Variants in ADAM7 observed in about 807,000 individuals in gnomAD.
ADAM7 encodes the protein disintegrin and metalloproteinase domain-containing protein 7.
ADAM7 carries 97 observed loss-of-function variants against 102.9 expected under a neutral mutation model. That is an observed-to-expected ratio of 0.94 (90% CI 0.80 to 1.12). The LOEUF is 1.12. Among genes scored for constraint, ADAM7 ranks in the 50% most tolerant of loss-of-function variants. The probability of loss-of-function intolerance (pLI) is 0.00; values close to 1 mark genes in which losing one functional copy is unlikely to be tolerated. For synonymous variants in ADAM7, 334 were observed against 304.4 expected, an observed-to-expected ratio of 1.10 and a Z score of -1.01; for missense variants, 991 against 908.7, an observed-to-expected ratio of 1.09 and a Z score of -1.16.
At chr8:24,507,583 C>T (rs190109739) in intron 21 of ADAM7, 48 bp downstream of exon 21, 1 of 1,474,396 alleles carries the variant, frequency 6.8e-7, no homozygotes, top group African/African-American at 1.4e-5. Flanking sequence ...TTTTCAAATG[C>T]TGGCATAGTT....
At chr8:24,492,354 G>A (rs1820390466) in intron 14 of ADAM7, 141 bp from the exon 15 acceptor site, 2 of 715,006 alleles carry the variant, frequency 2.8e-6, no homozygotes, top group Non-Finnish European at 2.3e-6. Context: ...GAGGCAATAG[G>A]ATAGTTTTTA....
chr8:24,478,626 A>G (rs570158702), intron 8 of ADAM7, among the ~76,000 whole-genome samples: 1 of 152,228 alleles, frequency 6.6e-6, no homozygotes, highest in East Asian at 1.9e-4. Context: ...GCCATCTTCA[A>G]ATTCTGCAAA....
At chr8:24,443,156 A>C (rs1447759627) in intron 2 of ADAM7, among the ~76,000 whole-genome samples, 1 of 152,194 alleles carries the variant, frequency 6.6e-6, no homozygotes, top group Non-Finnish European at 1.5e-5. Context: ...CATTAGATGA[A>C]TGTCCTTAGG....
chr8:24,500,717 T>C (rs948613246), intron 18 of ADAM7, 73 bp from the exon 19 acceptor site: 2 of 1,203,136 alleles, frequency 1.7e-6, no homozygotes, highest in African/African-American at 1.5e-5. Flanking sequence ...TTGTAACAGC[T>C]CCATTAAATG....
chr8:24,464,382 G>A (rs749434011), intron 4 of ADAM7, among the ~76,000 whole-genome samples: 2 of 151,952 alleles, frequency 1.3e-5, no homozygotes, highest in African/African-American at 2.4e-5. Context: ...TTTTTCTGAC[G>A]CACCAATGTT....
chr8:24,496,929 G>A (rs1463770424), intron 16 of ADAM7, among the ~76,000 whole-genome samples: 1 of 152,176 alleles, frequency 6.6e-6, no homozygotes, highest in African/African-American at 2.4e-5. Flanking sequence ...TTTAAAATGT[G>A]AGGACATGAG....
intron 8 of ADAM7, among the ~76,000 whole-genome samples, chr8:24,479,887 A>T (rs1819891162): frequency 6.6e-6 from 1 of 152,132 alleles, no homozygotes; most frequent in South Asian, 2.1e-4. Context: ...TCTGTGGTGG[A>T]TACAGAAAAA....
chr8:24,472,742 AT>A (rs1205309956), intron 7 of ADAM7, among the ~76,000 whole-genome samples: 4 of 152,036 alleles, frequency 2.6e-5, no homozygotes, highest in Admixed American at 6.6e-5. Flanking sequence ...GAAGAAAGTA[AT>A]TTTAGCAATG....
At chr8:24,459,005 A>G (rs955175453) in intron 3 of ADAM7, among the ~76,000 whole-genome samples, 2 of 151,854 alleles carry the variant, frequency 1.3e-5, no homozygotes, top group Non-Finnish European at 2.9e-5. Flanking sequence ...AGTTTTTGCA[A>G]TAGATTTGTC....
At chr8:24,447,316 C>G in intron 3 of ADAM7, 54 bp downstream of exon 3, 1 of 1,085,272 alleles carries the variant, frequency 9.2e-7, no homozygotes, top group Non-Finnish European at 1.3e-6. Flanking sequence ...TATGGTAAGC[C>G]AATTTTCGTA....
intron 7 of ADAM7, among the ~76,000 whole-genome samples, chr8:24,473,868 A>ATCCCCC (rs1469180614): frequency 1.3e-5 from 2 of 152,140 alleles, no homozygotes; most frequent in African/African-American, 4.8e-5. Flanking sequence ...ATAATTTCAA[A>ATCCCCC]TATCTCAAAT....
At chr8:24,481,429 T>C (rs1168789274) in intron 8 of ADAM7, among the ~76,000 whole-genome samples, 1 of 152,180 alleles carries the variant, frequency 6.6e-6, no homozygotes, top group South Asian at 2.1e-4. Flanking sequence ...TCACTTCCTT[T>C]CAACCTACTT....
At chr8:24,505,436 A>G (rs1235263395) in intron 20 of ADAM7, among the ~76,000 whole-genome samples, 1 of 152,170 alleles carries the variant, frequency 6.6e-6, no homozygotes, top group Non-Finnish European at 1.5e-5. Context: ...TAACAGAGAT[A>G]GGAGAGTTGG....
At chr8:24,482,106 C>T (rs367914998) in intron 8 of ADAM7, 36 bp from the exon 9 acceptor site, 3 of 1,489,710 alleles carry the variant, frequency 2.0e-6, no homozygotes, top group Non-Finnish European at 2.7e-6. Flanking sequence ...TTTCCAGCAA[C>T]TTGACTTTGT....
At chr8:24,479,198 G>GT (rs1819867205) in intron 8 of ADAM7, among the ~76,000 whole-genome samples, 1 of 152,054 alleles carries the variant, frequency 6.6e-6, no homozygotes, top group Non-Finnish European at 1.5e-5. Flanking sequence ...GGGGTCCAGA[G>GT]CATGTTCTAT....
chr8:24,506,222 C>T, intron 20 of ADAM7: 1 of 1,279,778 alleles, frequency 7.8e-7, no homozygotes, highest in Non-Finnish European at 1.1e-6. Context: ...TTTCATGAAA[C>T]TTAATCATTT....
intron 11 of ADAM7, among the ~76,000 whole-genome samples, chr8:24,487,983 C>T (rs1820202789): frequency 6.6e-6 from 1 of 152,140 alleles, no homozygotes; most frequent in African/African-American, 2.4e-5. Flanking sequence ...CACATCTTTA[C>T]TCAAATGTTA....
chr8:24,497,765 T>A (rs551712911), intron 16 of ADAM7, among the ~76,000 whole-genome samples: 1 of 152,262 alleles, frequency 6.6e-6, no homozygotes, highest in East Asian at 1.9e-4. Flanking sequence ...CTTACCCTCA[T>A]GCCTTGAATG....
chr8:24,475,821 G>A (rs1477683444), intron 7 of ADAM7: 1 of 399,404 alleles, frequency 2.5e-6, no homozygotes, highest in African/African-American at 2.1e-5. Flanking sequence ...ATTGATAATT[G>A]ATACAAGATC....
Sources: allele counts gnomAD v4.1 joint callset (sites outside exome capture counted in the v4.1 genomes callset), GRCh38; gene constraint gnomAD v4.1.1; transcripts MANE v1.5; gene names NCBI Gene and HGNC (gene_info 2026-07-23, HGNC 2026-07-21).